The following PHC1 variants were observed in gnomAD, a reference collection of about 807,000 sequenced individuals.
The protein encoded by PHC1 is polyhomeotic-like protein 1.
PHC1 carries 12 observed loss-of-function variants against 104.3 expected under a neutral mutation model. The observed-to-expected ratio is 0.12, with a 90% confidence interval of 0.07 to 0.19. The LOEUF is 0.19. Ranked by LOEUF, PHC1 falls within the 10% of genes least tolerant of loss-of-function variation. PHC1 has a pLI of 1.00. For synonymous variants in PHC1, 302 were observed against 455.8 expected (o/e 0.66, Z 4.30); for missense variants, 671 against 1,200.0 (o/e 0.56, Z 6.51).
At chr12:8,926,730 A>G (rs1332790065) in intron 6 of PHC1, among the ~76,000 whole-genome samples, 1 of 152,158 alleles carries the variant, frequency 6.6e-6, no homozygotes. Flanking sequence ...CCTGATCAAC[A>G]TGGTGAAACC....
Position 8,933,951 on chromosome 12 carries a change from T to G in PHC1, c.1980T>G (p.Pro660=), listed in dbSNP as rs1390143820. ...TCTCCACATTGGGTTCAATGCTTCC[T>G]GCCAAGGCATCTCCAGTAGCAGAAA... ...DDVSTLGSML[P]AKASPVAESP... The change falls in exon 9 of 15, where the codon CCT becomes CCG. Residue 660 remains proline, a synonymous_variant. Coordinates refer to ENST00000544916, the MANE Select transcript of PHC1 (RefSeq NM_004426.3). The G allele has an allele frequency of 8.1e-6, 13 of 1,613,610 alleles. No homozygotes were observed. Among genetic ancestry groups the G allele is most frequent in the East Asian group, 6.7e-5 (3 of 44,900 alleles).
chr12:8,932,230 A>G (rs1945706779), intron 7 of PHC1, among the ~76,000 whole-genome samples: 4 of 152,226 alleles, frequency 2.6e-5, no homozygotes, highest in Admixed American at 2.6e-4. Flanking sequence ...AGGAGGGGCT[A>G]ACCATTCTTC....
intron 14 of PHC1, among the ~76,000 whole-genome samples, 181 bp downstream of exon 14, chr12:8,938,241 G>A (rs947400216): frequency 2.6e-5 from 4 of 152,156 alleles, no homozygotes; most frequent in Non-Finnish European, 5.9e-5. Context: ...ATTATCTTCT[G>A]TAATGTCAGC....
chr12:8,925,444 A>G (rs1203921107), intron 6 of PHC1, among the ~76,000 whole-genome samples: 1 of 152,196 alleles, frequency 6.6e-6, no homozygotes, highest in African/African-American at 2.4e-5. Flanking sequence ...TAATTGAGAA[A>G]GTACCGAGTG....
intron 6 of PHC1, among the ~76,000 whole-genome samples, chr12:8,928,096 C>T (rs941749624): frequency 1.3e-5 from 2 of 151,602 alleles, no homozygotes; most frequent in African/African-American, 2.4e-5. Flanking sequence ...TAGTAGAAGA[C>T]GGGGTTTCTC....
At chr12:8,937,096 C>A in intron 12 of PHC1, 80 bp from the exon 13 acceptor site, 1 of 1,504,854 alleles carries the variant, frequency 6.6e-7, no homozygotes, top group Non-Finnish European at 9.2e-7. Context: ...CCCAAATCAG[C>A]TCATAAGCAG....
chr12:8,914,492 C>T (rs1945143684), upstream of PHC1: 1 of 151,620 alleles, frequency 6.6e-6, no homozygotes, highest in East Asian at 2.0e-4. Context: ...AAGCACCTCC[C>T]CGCAGCCCCC....
intron 14 of PHC1, 62 bp from the exon 15 acceptor site, chr12:8,939,243 T>G: frequency 6.3e-7 from 1 of 1,595,564 alleles, no homozygotes; most frequent in Non-Finnish European, 8.6e-7. Context: ...GACCTCAGTT[T>G]CATTTAGCTT....
chr12:8,937,199 A>G lies in PHC1; in HGVS notation c.2501A>G (p.Gln834Arg). The change falls in exon 13 of 15, where the codon CAG (glutamine) becomes CGG (arginine). Residue 834 changes from glutamine (Q) to arginine (R), a missense_variant. Coordinates refer to ENST00000544916, the MANE Select transcript of PHC1 (RefSeq NM_004426.3). ...AGGTACAATGTGAGCTGTAGCCATC[A>G]GTTCCGGCTGAAGAGGAAAAAAATG... ...AKRYNVSCSH[Q>R]FRLKRKKMKE... 1 of 1,612,700 alleles carries G rather than the reference A, an allele frequency of 6.2e-7. No homozygotes were observed. Among genetic ancestry groups the G allele is most frequent in the Non-Finnish European group, 8.5e-7 (1 of 1,179,274 alleles).
chr12:8,919,306 C>T lies in PHC1; in HGVS notation c.115-450C>T, dbSNP rs1199113069. 6.6e-6 allele frequency among the ~76,000 whole-genome samples: 1 copy of T among 152,106 alleles called. No individual in the cohort carries two copies. Among genetic ancestry groups the T allele is most frequent in the Non-Finnish European group, 1.5e-5 (1 of 68,016 alleles). On this transcript the variant is annotated intron_variant, in intron 2 of 14. Transcript: ENST00000544916. This position sits in a 1 kb window ranked among gnomAD's most constrained non-coding sequence, Gnocchi z 4.9. ...GAACTCCCGACCTCAGGTGATCTGC[C>T]CTCCTAGGCCTCCCAAAGTGCTGGG...
chr12:8,941,289 G>C lies in PHC1; in HGVS notation c.*1830G>C, dbSNP rs890284050. 3 of 242,074 alleles carry C rather than the reference G, an allele frequency of 1.2e-5. No individual in the cohort carries two copies. Among genetic ancestry groups the C allele is most frequent in the African/African-American group, 7.0e-5 (3 of 42,908 alleles). 15.0% of individuals were successfully genotyped at this position (242,074 alleles called of 1,614,324 possible). A position where few individuals can be genotyped will look rare whatever the true frequency, so the allele number is the denominator to read the frequency against. On this transcript the variant is annotated 3_prime_UTR_variant, in exon 15 of 15. Coordinates refer to ENST00000544916, the MANE Select transcript of PHC1 (RefSeq NM_004426.3). Reference sequence around the variant, plus strand: ...GAACATCTCCAGGCTCAGACTAAACGAGAGTACTTGGACTGCAACCAAGTA... The same window carrying C: ...GAACATCTCCAGGCTCAGACTAAACCAGAGTACTTGGACTGCAACCAAGTA...
At chr12:8,931,948 T>C (rs562257151) in intron 7 of PHC1, among the ~76,000 whole-genome samples, 4 of 152,200 alleles carry the variant, frequency 2.6e-5, no homozygotes, top group African/African-American at 7.2e-5. Context: ...TATGGAGAAG[T>C]AGAGTTTGTC....
Position 8,939,326 on chromosome 12 carries a change from A to C in PHC1, c.2882A>C (p.Glu961Ala). 6.2e-7 allele frequency: 1 copy of C among 1,614,062 alleles called. No homozygotes were observed. Among genetic ancestry groups the C allele is most frequent in the Non-Finnish European group, 8.5e-7 (1 of 1,179,994 alleles). The change falls in exon 15 of 15, where the codon GAA becomes GCA. Residue 961 changes from glutamate to alanine, a missense_variant. Glu to Ala is a moderately radical substitution (Grantham distance 107, BLOSUM62 -1). Around this residue, in one of 9 missense-constraint regions of PHC1, gnomAD observed 192 missense variants for 280.5 expected, o/e 0.68. Transcript: ENST00000544916. ...SLQGCQEIAE[E>A]FRSQEIDGQA... ...CTAGGCTGCCAAGAGATTGCAGAGG[A>C]ATTTCGCTCACAGGAGATTGATGGA...
intron 3 of PHC1, among the ~76,000 whole-genome samples, chr12:8,920,481 G>C (rs1945330078): frequency 6.6e-6 from 1 of 152,186 alleles, no homozygotes. Flanking sequence ...GCTGAGGCAG[G>C]TGGATCACTT....
chr12:8,938,944 G>A (rs1199386807), intron 14 of PHC1, among the ~76,000 whole-genome samples: 1 of 152,130 alleles, frequency 6.6e-6, no homozygotes, highest in Non-Finnish European at 1.5e-5. Flanking sequence ...TCCTGCCTCA[G>A]CTTCCCGAGT....
chr12:8,919,701 T>C lies in PHC1; in HGVS notation c.115-55T>C. The C allele has an allele frequency of 5.2e-6, 8 of 1,526,672 alleles. No homozygotes were observed. The South Asian group carries it at 8.2e-5, about 16-fold the overall frequency. 94.6% of individuals were successfully genotyped at this position (1,526,672 alleles called of 1,614,324 possible). ...TTTCACACAAATACAGTGATTTACA[T>C]AGAATAGGAGCTAGGAGTGGTCCAT... On this transcript the variant is annotated intron_variant, in intron 2 of 14. Coordinates refer to ENST00000544916, the MANE Select transcript of PHC1 (RefSeq NM_004426.3). The surrounding 1 kb of genome is among the most constrained non-coding windows in gnomAD (Gnocchi z 4.9).
intron 6 of PHC1, among the ~76,000 whole-genome samples, chr12:8,926,908 T>G (rs1303117708): frequency 4.1e-5 from 6 of 144,914 alleles, no homozygotes; most frequent in Non-Finnish European, 9.2e-5. Context: ...AGGGCGAAAC[T>G]CCATCTTAAA....
chr12:8,921,064 C>T lies in PHC1; in HGVS notation c.305C>T (p.Ser102Leu), dbSNP rs1363047996. The part of the protein sequence containing the change: ...TQQQTTTTQA[S>L]INLATTSAAQ... ...CAGCAGACTACCACCACCCAGGCCT[C>T]GGTGAGTACGCCCTCTCCCACTGAG... The change falls in exon 4 of 15, where the codon TCG (serine) becomes TTG (leucine). Residue 102 changes from serine to leucine, a missense_variant and splice_region_variant. Ser to Leu is a moderately radical substitution (Grantham distance 145). This residue lies in a region of PHC1 where 237 missense variants were observed against 331.1 expected (regional missense o/e 0.72). Transcript: ENST00000544916. 3.7e-6 allele frequency: 6 copies of T among 1,610,820 alleles called. No individual in the cohort carries two copies. Among genetic ancestry groups the T allele is most frequent in the Non-Finnish European group, 4.2e-6 (5 of 1,178,100 alleles).
intron 6 of PHC1, among the ~76,000 whole-genome samples, chr12:8,925,588 C>T (rs1945492171): frequency 6.6e-6 from 1 of 151,988 alleles, no homozygotes; most frequent in South Asian, 2.1e-4. Flanking sequence ...GGCAGGAGAA[C>T]AGTGTGTCCA....
Sources: gnomAD v4.1 joint callset for allele counts (sites outside exome capture counted in the v4.1 genomes callset) on GRCh38, gnomAD v4.1.1 for gene constraint, gnomAD v4.1.1 regional missense constraint, Gnocchi (gnomAD v3.1) non-coding constraint, MANE v1.5 for transcripts, NCBI Gene and HGNC (gene_info 2026-07-23, HGNC 2026-07-21) for gene names.